The following EPG5 variants were observed in gnomAD, a reference collection of about 807,000 sequenced individuals.
The protein encoded by EPG5 is ectopic P granules protein 5 homolog.
Under a neutral mutation model 302.7 loss-of-function variants are expected in EPG5, and 159 were observed. The ratio of observed to expected loss-of-function variants is 0.53; its 90% CI spans 0.46 to 0.60. The LOEUF is 0.60. EPG5 is among the 20% of genes least tolerant of loss of function. The pLI, the probability that EPG5 is intolerant of heterozygous loss-of-function variation, is 0.00. For missense variants in EPG5, 2,896 were observed against 3,092.4 expected (o/e 0.94, Z 1.51); for synonymous variants, 1,158 against 1,136.8 (o/e 1.02, Z -0.37).
At chr18:45,838,957 T>TA in the EPG5 span, 1 of 1,604,702 alleles carries the variant, frequency 6.2e-7, no homozygotes, top group Non-Finnish European at 8.5e-7. Flanking sequence ...CCTGGGCCGC[T>TA]CCGAGGCCAG....
In EPG5 at chr18:45,939,408, G is replaced by A. The variant is rs182469978; in HGVS notation, c.2099+192C>T. ...AAACAGAAAGAAATTGAGAGAGAGA[G>A]AGAGACCATTTCAGTCAACAGGTGG... On this transcript the variant is annotated intron_variant, in intron 10 of 43. Coordinates refer to ENST00000282041, the MANE Select transcript of EPG5 (RefSeq NM_020964.3). Among the ~76,000 whole-genome samples, 56 of 152,180 alleles carry A rather than the reference G, an allele frequency of 3.7e-4. 1 individual carries two copies. In the East Asian group the frequency reaches 4.0e-3, roughly 11 times the overall value.
At chr18:45,874,686 G>A (rs1426914938) in intron 35 of EPG5, among the ~76,000 whole-genome samples, 5 of 152,148 alleles carry the variant, frequency 3.3e-5, no homozygotes, top group African/African-American at 1.2e-4. Context: ...TCTTCCACTG[G>A]CTCCCTCCCA....
Position 45,911,926 on chromosome 18 carries a change from G to A in EPG5, c.3983+364C>T, listed in dbSNP as rs115864454. Among the ~76,000 whole-genome samples, 1,403 of 152,104 alleles carry A rather than the reference G, an allele frequency of 9.2e-3. 23 individuals carry two copies. The highest frequency in any genetic ancestry group is 0.032 in the African/African-American group (1,336 of 41,456). ...CAAAGCCTGGCCTTTGTTCACACGC[G>A]CACCACTCATCACAAGGTCCCCTCC... On this transcript the variant is annotated intron_variant, in intron 22 of 43. Coordinates refer to ENST00000282041, the MANE Select transcript of EPG5 (RefSeq NM_020964.3).
chr18:45,802,647 A>C, the EPG5 span, among the ~76,000 whole-genome samples: 4 of 151,888 alleles, frequency 2.6e-5, no homozygotes, highest in Non-Finnish European at 4.4e-5. Flanking sequence ...TGTGCCCAAT[A>C]CCTTTCCCCA....
rs1599546418 is a variant in EPG5 at position 45,908,069 on chromosome 18, T to C, written c.4218A>G (p.Val1406=). The C allele has an allele frequency of 4.6e-6, 7 of 1,525,426 alleles. No homozygotes were observed. Among genetic ancestry groups the C allele is most frequent in the Non-Finnish European group, 5.3e-6 (6 of 1,121,658 alleles). The allele number at this position is 1,525,426 out of a possible 1,614,324, so 94.5% of individuals were successfully genotyped here. The change falls in exon 24 of 44, where the codon GTA becomes GTG. Residue 1406 remains valine, a synonymous_variant. Coordinates refer to ENST00000282041, the MANE Select transcript of EPG5 (RefSeq NM_020964.3). The stretch of plus-strand genomic sequence containing the variant: ...TCTCATCTTCTAGCCATAATATATA[T>C]ACATTGAAGAGCCTAAAAGATAAAA... ...LHKELVRLFN[V]YILWLEDENF...
intron 25 of EPG5, among the ~76,000 whole-genome samples, chr18:45,902,494 A>G (rs909960246): frequency 6.6e-6 from 1 of 152,236 alleles, no homozygotes; most frequent in Non-Finnish European, 1.5e-5. Flanking sequence ...AAAACAAACA[A>G]ACAAAAAATC....
chr18:45,878,967 G>T, intron 33 of EPG5, 46 bp downstream of exon 33: 1 of 1,488,980 alleles, frequency 6.7e-7, no homozygotes, highest in Non-Finnish European at 9.3e-7. Flanking sequence ...CTCTCTTAAT[G>T]GAAAGTCCAA....
In EPG5 at chr18:45,952,641, A is replaced by C. The variant is rs187606757; in HGVS notation, c.1011T>G (p.Gly337=). The change falls in exon 3 of 44, where the codon GGT becomes GGG. Residue 337 remains glycine (G), a splice_region_variant and synonymous_variant. Transcript: ENST00000282041. Reference sequence around the variant, plus strand: ...AAACTTTCACTTGATCTGCACAGATACCCTACCAGAGGACAAAAAGGTACA... The same window carrying C: ...AAACTTTCACTTGATCTGCACAGATCCCCTACCAGAGGACAAAAAGGTACA... ...QFKEEQMSVQ[G]ICADQVKVFS... is the part of the protein sequence containing the mutation. The C allele has an allele frequency of 6.4e-5, 103 of 1,613,654 alleles. No homozygotes were observed. The highest frequency in any genetic ancestry group is 7.0e-5 in the Non-Finnish European group (83 of 1,179,650).
intron 27 of EPG5, among the ~76,000 whole-genome samples, chr18:45,898,119 G>A (rs2049522096): frequency 1.3e-5 from 2 of 152,196 alleles, no homozygotes; most frequent in Non-Finnish European, 2.9e-5. Flanking sequence ...CAGCACTTTG[G>A]GAGTCCGAGA....
intron 2 of EPG5, among the ~76,000 whole-genome samples, chr18:45,953,058 A>G (rs2050946665): frequency 6.6e-6 from 1 of 152,082 alleles, no homozygotes; most frequent in South Asian, 2.1e-4. Context: ...CTATAATCCC[A>G]GCTACTCGGG....
rs74664797 is a variant in EPG5 at position 45,876,637 on chromosome 18, G to C, written c.5943-295C>G. Among the ~76,000 whole-genome samples the C allele has an allele frequency of 1.3e-3, 196 of 151,500 alleles. 1 individual carries two copies. The highest frequency in any genetic ancestry group is 4.6e-3 in the African/African-American group (190 of 41,252). Reference sequence around the variant, plus strand: ...CTTTTTACATCAAATTTAGACCCTTGGACATCTTGGTTACATTTCAAATGC... The same window carrying C: ...CTTTTTACATCAAATTTAGACCCTTCGACATCTTGGTTACATTTCAAATGC... On this transcript the variant is annotated intron_variant, in intron 34 of 43. Transcript: ENST00000282041.
rs1211769011 is a variant in EPG5 at position 45,852,544 on chromosome 18, G to T, written c.7663C>A (p.Gln2555Lys). ...AGAGCCAAGAAGCTTTTCCCATCTT[G>T]AAGGCAATGGCCAGGATGCCTTATA... ...QFIRHPGHCL[Q>K]DGKSFLALLV... Residue 2555 changes from glutamine (Q) to lysine (K), a missense_variant, in exon 44 of 44, where the codon CAA becomes AAA. Gln to Lys is a moderately conservative substitution (Grantham distance 53). Coordinates refer to ENST00000282041, the MANE Select transcript of EPG5 (RefSeq NM_020964.3). 6.2e-7 allele frequency: 1 copy of T among 1,614,164 alleles called. No individual in the cohort carries two copies. The highest frequency in any genetic ancestry group is 2.2e-5 in the East Asian group (1 of 44,882).
At chr18:45,951,975 A>G (rs1227123998) in intron 3 of EPG5, among the ~76,000 whole-genome samples, 2 of 152,264 alleles carry the variant, frequency 1.3e-5, no homozygotes, top group African/African-American at 4.8e-5. Flanking sequence ...TCAGAACATT[A>G]TTAATCCTCT....
chr18:45,947,531 A>C (rs2050810934), intron 6 of EPG5, among the ~76,000 whole-genome samples: 1 of 152,312 alleles, frequency 6.6e-6, no homozygotes, highest in Admixed American at 6.5e-5. Context: ...CCTTGTATCC[A>C]AGGCAGTAAG....
At chr18:45,946,879 G>C in intron 6 of EPG5, 111 bp from the exon 7 acceptor site, 1 of 838,724 alleles carries the variant, frequency 1.2e-6, no homozygotes, top group Admixed American at 2.4e-5. Context: ...ATCTTCCAAT[G>C]GTTTAAATTA....
chr18:45,947,609 G>A (rs1288517355), intron 6 of EPG5, among the ~76,000 whole-genome samples: 1 of 152,000 alleles, frequency 6.6e-6, no homozygotes, highest in Non-Finnish European at 1.5e-5. Flanking sequence ...ACCCACCCGA[G>A]TTCTTCACCT....
chr18:45,918,674 A>T (rs1307217176), intron 16 of EPG5, among the ~76,000 whole-genome samples: 2 of 152,244 alleles, frequency 1.3e-5, no homozygotes, highest in African/African-American at 4.8e-5. Flanking sequence ...AATCCTTTCA[A>T]TTGGAAATAT....
intron 27 of EPG5, among the ~76,000 whole-genome samples, chr18:45,899,182 AT>A (rs982600514): frequency 3.3e-5 from 5 of 151,750 alleles, no homozygotes; most frequent in Non-Finnish European, 4.4e-5. Flanking sequence ...AATGATTCTG[AT>A]TTTTTTTTAA....
intron 34 of EPG5, among the ~76,000 whole-genome samples, chr18:45,877,450 G>A (rs949398531): frequency 6.6e-6 from 1 of 151,884 alleles, no homozygotes; most frequent in Non-Finnish European, 1.5e-5. Context: ...TCTGAATCTG[G>A]TCTAGAAAAC....
Sources: allele counts gnomAD v4.1 joint callset (sites outside exome capture counted in the v4.1 genomes callset), GRCh38; gene constraint gnomAD v4.1.1; transcripts MANE v1.5; gene names NCBI Gene and HGNC (gene_info 2026-07-23, HGNC 2026-07-21).